The following DHRSX variants were observed in gnomAD, a reference collection of about 807,000 sequenced individuals.
The protein encoded by DHRSX is polyprenol dehydrogenase.
A neutral mutation model predicts 34.0 loss-of-function variants in DHRSX; 31 were observed. The ratio of observed to expected loss-of-function variants is 0.91; its 90% CI spans 0.69 to 1.23. The LOEUF (loss-of-function observed/expected upper bound fraction) is 1.23, where lower values mean the gene tolerates loss of function less well. DHRSX is among the 50% of genes most tolerant of loss of function. The probability of loss-of-function intolerance (pLI) is 0.00; values close to 1 mark genes in which losing one functional copy is unlikely to be tolerated. For synonymous variants in DHRSX, 201 were observed against 183.8 expected, an observed-to-expected ratio of 1.09 and a Z score of -0.76; for missense variants, 414 against 428.1, an observed-to-expected ratio of 0.97 and a Z score of 0.29.
intron 3 of DHRSX, among the ~76,000 whole-genome samples, chrX:2,297,489 A>G (rs1345857646): frequency 6.6e-6 from 1 of 152,052 alleles, no homozygotes; most frequent in African/African-American, 2.4e-5. Flanking sequence ...GTCCCTAAAA[A>G]TCTCCTGGTC....
chrX:2,234,159 C>T (rs2015961102), intron 6 of DHRSX, among the ~76,000 whole-genome samples: 1 of 152,070 alleles, frequency 6.6e-6, no homozygotes, highest in African/African-American at 2.4e-5. Flanking sequence ...TATCTCCCTC[C>T]CTGCCTTCAC....
intron 3 of DHRSX, among the ~76,000 whole-genome samples, chrX:2,315,424 A>C (rs889694343): frequency 3.3e-5 from 5 of 152,148 alleles, no homozygotes; most frequent in African/African-American, 1.2e-4. Flanking sequence ...ACAGACTTAG[A>C]CTAAGGTGTT....
chrX:2,224,689 CAA>C (rs1219645943), intron 6 of DHRSX, among the ~76,000 whole-genome samples: 5 of 152,032 alleles, frequency 3.3e-5, no homozygotes, highest in South Asian at 2.1e-4. Flanking sequence ...CACATGCACA[CAA>C]ATATATATAC....
At chrX:2,345,668 A>G (rs1326005146) in intron 3 of DHRSX, among the ~76,000 whole-genome samples, 1 of 151,682 alleles carries the variant, frequency 6.6e-6, no homozygotes, top group Admixed American at 6.6e-5. Flanking sequence ...AAAAAAAAAA[A>G]AAAAAATCTA....
At chrX:2,500,770 G>T in intron 1 of DHRSX, 47 bp downstream of exon 1, 1 of 787,488 alleles carries the variant, frequency 1.3e-6, no homozygotes, top group Non-Finnish European at 1.5e-6. Context: ...GCCAGCCCGC[G>T]CCCACCCGGG....
intron 3 of DHRSX, among the ~76,000 whole-genome samples, chrX:2,335,972 G>A (rs369308834): frequency 2.0e-5 from 3 of 152,142 alleles, no homozygotes; most frequent in African/African-American, 7.2e-5. Flanking sequence ...CTGAGTCATG[G>A]AGCACAGTGT....
At chrX:2,485,183 G>C (rs1288659753) in intron 1 of DHRSX, among the ~76,000 whole-genome samples, 2 of 152,072 alleles carry the variant, frequency 1.3e-5, no homozygotes, top group African/African-American at 4.8e-5. Context: ...GAGAACCGTC[G>C]GGGTTAGGGA....
chrX:2,362,217 G>A (rs2042941930), intron 3 of DHRSX, among the ~76,000 whole-genome samples: 1 of 151,944 alleles, frequency 6.6e-6, no homozygotes, highest in Admixed American at 6.6e-5. Flanking sequence ...GCCTTAGATG[G>A]TTTGTCTCAT....
intron 3 of DHRSX, among the ~76,000 whole-genome samples, chrX:2,388,341 G>C (rs1197856575): frequency 6.6e-6 from 1 of 152,110 alleles, no homozygotes; most frequent in Non-Finnish European, 1.5e-5. Context: ...TTTGGATATG[G>C]GGTCTTTAAA....
chrX:2,422,497 G>A (rs1334925921), intron 2 of DHRSX, among the ~76,000 whole-genome samples: 3 of 152,044 alleles, frequency 2.0e-5, no homozygotes, highest in Non-Finnish European at 2.9e-5. Flanking sequence ...TCCTGACCTC[G>A]TGATCTGCCC....
Position 2,258,434 on chromosome X carries a change from T to G in DHRSX, c.596+8306A>C, listed in dbSNP as rs181039815. Among the ~76,000 whole-genome samples, 19 of 151,746 alleles carry G rather than the reference T, an allele frequency of 1.3e-4. 1 individual carries two copies. In the East Asian group the frequency reaches 3.5e-3, roughly 28 times the overall value. Reference sequence around the variant, plus strand: ...TGTTGTTTATAATCTACCCAGTCTATGGTATTCTGTGATAGCAGCCTGAAA... The same window carrying G: ...TGTTGTTTATAATCTACCCAGTCTAGGGTATTCTGTGATAGCAGCCTGAAA... On this transcript the variant is annotated intron_variant, in intron 5 of 6. Coordinates refer to ENST00000334651, the MANE Select transcript of DHRSX (RefSeq NM_145177.3).
chrX:2,479,362 G>A (rs773004171), intron 1 of DHRSX, among the ~76,000 whole-genome samples: 41 of 150,572 alleles, frequency 2.7e-4, no homozygotes, highest in African/African-American at 9.3e-4. Flanking sequence ...CCTCCGCCAC[G>A]TACACACTGA....
intron 1 of DHRSX, among the ~76,000 whole-genome samples, chrX:2,429,451 CT>C (rs55923527): frequency 0.32 from 45,895 of 145,274 alleles, 8,467 homozygotes; most frequent in East Asian, 0.79. Flanking sequence ...CTCTGTGATG[CT>C]TTTTTTTTTT....
At chrX:2,235,400 G>A (rs1189524180) in intron 6 of DHRSX, among the ~76,000 whole-genome samples, 1 of 152,144 alleles carries the variant, frequency 6.6e-6, no homozygotes, top group Non-Finnish European at 1.5e-5. Context: ...CTCCATGCAA[G>A]AAATCCGCAC....
chrX:2,359,673 C>G (rs2042903498), intron 3 of DHRSX, among the ~76,000 whole-genome samples: 2 of 151,422 alleles, frequency 1.3e-5, no homozygotes, highest in South Asian at 4.2e-4. Flanking sequence ...CAGCGAGACT[C>G]CATATCAAAA....
chrX:2,222,464 G>A (rs1326814703), intron 6 of DHRSX, among the ~76,000 whole-genome samples: 3 of 152,216 alleles, frequency 2.0e-5, no homozygotes, highest in South Asian at 2.1e-4. Flanking sequence ...GTGAAATTGC[G>A]AGAGTTTTAG....
At chrX:2,471,119 G>A (rs1368400955) in intron 1 of DHRSX, among the ~76,000 whole-genome samples, 1 of 152,072 alleles carries the variant, frequency 6.6e-6, no homozygotes, top group Admixed American at 6.6e-5. Context: ...CCAGAAAAAT[G>A]ACTCGCATTT....
intron 3 of DHRSX, among the ~76,000 whole-genome samples, chrX:2,320,298 CT>C (rs767394558): frequency 2.5e-3 from 251 of 100,210 alleles, no homozygotes; most frequent in Non-Finnish European, 2.8e-3. Flanking sequence ...CTTTTCTTTT[CT>C]TTTTTTTTTT....
intron 3 of DHRSX, among the ~76,000 whole-genome samples, chrX:2,313,787 G>T (rs752430928): frequency 2.4e-4 from 37 of 152,294 alleles, no homozygotes; most frequent in Admixed American, 1.8e-3. Context: ...CCGAGAACAT[G>T]TACCCCAGGT....
Sources: allele counts gnomAD v4.1 joint callset (sites outside exome capture counted in the v4.1 genomes callset), GRCh38; gene constraint gnomAD v4.1.1; transcripts MANE v1.5; gene names NCBI Gene and HGNC (gene_info 2026-07-23, HGNC 2026-07-21).